Variants in PCYT2 observed in about 807,000 individuals in gnomAD.
The protein encoded by PCYT2 is phosphate cytidylyltransferase 2, ethanolamine, also known as ethanolamine-phosphate cytidylyltransferase.
Under a neutral mutation model 50.0 loss-of-function variants are expected in PCYT2, and 33 were observed. That is an observed-to-expected ratio of 0.66 (90% CI 0.50 to 0.88). PCYT2 has a LOEUF of 0.88. PCYT2 is among the 40% of genes least tolerant of loss of function. The pLI, the probability that PCYT2 is intolerant of heterozygous loss-of-function variation, is 0.00. For synonymous variants in PCYT2, 240 were observed against 203.7 expected, an observed-to-expected ratio of 1.18 and a Z score of -1.52; for missense variants, 430 against 519.7, an observed-to-expected ratio of 0.83 and a Z score of 1.68.
Position 81,911,316 on chromosome 17 carries a change from G to A in PCYT2, c.40C>T (p.Gln14Ter). 8.8e-7 allele frequency: 1 copy of A among 1,131,856 alleles called. No individual in the cohort carries two copies. The highest frequency in any genetic ancestry group is 1.1e-6 in the Non-Finnish European group (1 of 910,910). 70.1% of individuals were successfully genotyped at this position (1,131,856 alleles called of 1,614,324 possible). A position where few individuals can be genotyped will look rare whatever the true frequency, so the allele number is the denominator to read the frequency against. The change falls in exon 1 of 13, where the codon CAG becomes TAG. Residue 14 changes from glutamine to a stop codon, truncating the protein, a stop_gained. Coordinates refer to ENST00000538936, the MANE Select transcript of PCYT2 (RefSeq NM_002861.5). LOFTEE classifies it high-confidence loss of function. ...NGRGAAGGAEQPGPGGRRAVR... is the reference protein window; with the variant it reads ...NGRGAAGGAE The stretch of plus-strand genomic sequence containing the variant: ...GCGCGCCTGCCCCCCGGGCCCGGCT[G>A]CTCTGCGCCGCCTGCAGCCCCGCGC...
rs1378246615 is a variant in PCYT2, at chr17:81,901,475, C to A, written c.*3358G>T. On this transcript the variant is annotated 3_prime_UTR_variant, in exon 13 of 13. Coordinates refer to ENST00000538936, the MANE Select transcript of PCYT2 (RefSeq NM_002861.5). ...CCATCACACCTGGGAAGCATGGAACCCAGAAACAAGTGCCAGGGCTCCAGT... is the reference window on the plus strand; with the variant it reads ...CCATCACACCTGGGAAGCATGGAACACAGAAACAAGTGCCAGGGCTCCAGT... 1 of 152,310 alleles carries A rather than the reference C, an allele frequency of 6.6e-6. No individual in the cohort carries two copies. Among genetic ancestry groups the A allele is most frequent in the Non-Finnish European group, 1.5e-5 (1 of 68,114 alleles). 9.4% of individuals were successfully genotyped at this position (152,310 alleles called of 1,614,324 possible). A position where few individuals can be genotyped will look rare whatever the true frequency, so the allele number is the denominator to read the frequency against.
Position 81,909,502 on chromosome 17 carries a change from A to T in PCYT2, c.178+12T>A. On this transcript the variant is annotated intron_variant, in intron 2 of 12. Coordinates refer to ENST00000538936, the MANE Select transcript of PCYT2 (RefSeq NM_002861.5). The stretch of plus-strand genomic sequence containing the variant: ...TGGGGGGCCGCGGGTGGGCGAGGCC[A>T]TCTGTGCTTACCATCGGTGTGCACG... 3 of 1,609,338 alleles carry T rather than the reference A, an allele frequency of 1.9e-6. No homozygotes were observed. The highest frequency in any genetic ancestry group is 1.3e-5 in the African/African-American group (1 of 74,992).
At position 81,902,896 on chromosome 17, in the gene PCYT2, C is replaced by A. The variant is rs1241171899; in HGVS notation, c.*1937G>T. ...ATGGCAAACGAATAAATAAATGAGG[C>A]GGCCTCGGAGTGAGGGGTGCTGGAG... On this transcript the variant is annotated 3_prime_UTR_variant, in exon 13 of 13. Transcript: ENST00000538936. 2.9e-6 allele frequency: 2 copies of A among 698,010 alleles called. No individual in the cohort carries two copies. The highest frequency in any genetic ancestry group is 1.9e-5 in the African/African-American group (1 of 52,854). 43.2% of individuals were successfully genotyped at this position (698,010 alleles called of 1,614,324 possible).
chr17:81,908,560 A>C lies in PCYT2; in HGVS notation c.407+8T>G, dbSNP rs768782256. On this transcript the variant is annotated splice_region_variant and intron_variant, in intron 4 of 12. Coordinates refer to ENST00000538936, the MANE Select transcript of PCYT2 (RefSeq NM_002861.5). ...CCCTGGATGGCCAGGCCCGCGGTGG[A>C]GACTCACCTGTACCTCCCAGCCTGC... is the stretch of plus-strand genomic sequence containing the variant. 11 of 1,610,042 alleles carry C rather than the reference A, an allele frequency of 6.8e-6. No homozygotes were observed. The highest frequency in any genetic ancestry group is 3.3e-5 in the Admixed American group (2 of 59,978).
In PCYT2 at chr17:81,906,094, A is replaced by G. The variant is rs759926702; in HGVS notation, c.837+6T>C. The G allele has an allele frequency of 2.2e-5, 35 of 1,607,218 alleles. No individual in the cohort carries two copies. The South Asian group carries it at 3.9e-4, about 18-fold the overall frequency. The stretch of plus-strand genomic sequence containing the variant: ...ATCCTTGGGCTGGCTCCTGGCCCCC[A>G]CTCACCCGGCAGGCCAGCACGCTCA... On this transcript the variant is annotated splice_donor_region_variant and intron_variant, in intron 9 of 12. Transcript: ENST00000538936.
rs891299412 is a variant in PCYT2, at chr17:81,903,940, G to A, written c.*893C>T. 7 of 152,234 alleles carry A rather than the reference G, an allele frequency of 4.6e-5. No individual in the cohort carries two copies. The highest frequency in any genetic ancestry group is 2.0e-4 in the Admixed American group (3 of 15,288). The allele number at this position is 152,234 out of a possible 1,614,324, so 9.4% of individuals were successfully genotyped here. ...CGGAGGCTGCAGTAAGAACCTCTTC[G>A]GCCTCTGGGCTGCTCCAGGCGGGCC... On this transcript the variant is annotated 3_prime_UTR_variant, in exon 13 of 13. Transcript: ENST00000538936.
chr17:81,907,137 G>C, intron 6 of PCYT2: 4 of 1,329,464 alleles, frequency 3.0e-6, no homozygotes, highest in Non-Finnish European at 3.0e-6. Context: ...AGGAGGCAAG[G>C]AGCCCTGTGG....
In PCYT2 at chr17:81,904,713, T is replaced by C; in HGVS notation, c.*120A>G. The C allele has an allele frequency of 1.5e-6, 1 of 654,978 alleles. No individual in the cohort carries two copies. The highest frequency in any genetic ancestry group is 1.8e-5 in the African/African-American group (1 of 55,122). The allele number at this position is 654,978 out of a possible 1,614,324, so 40.6% of individuals were successfully genotyped here. ...CTTGTAGGCAGGCAAGGAGGCAGAG[T>C]CCTCACCAGCCCTTCCAGAGCCAGG... is the stretch of plus-strand genomic sequence containing the variant. On this transcript the variant is annotated 3_prime_UTR_variant, in exon 13 of 13. Transcript: ENST00000538936.
At position 81,905,889 on chromosome 17, in the gene PCYT2, A is replaced by G; in HGVS notation, c.838-154T>C. ...GGCTGGGGACCCCTGGGGCTCCTCC[A>G]TGAGACAAGAAGGAACAGCATCTGG... is the stretch of plus-strand genomic sequence containing the variant. On this transcript the variant is annotated intron_variant, in intron 9 of 12. Transcript: ENST00000538936. 3.6e-6 allele frequency: 3 copies of G among 824,016 alleles called. No individual in the cohort carries two copies. The East Asian group carries it at 7.6e-5, about 21-fold the overall frequency. 51.0% of individuals were successfully genotyped at this position (824,016 alleles called of 1,614,324 possible). A position where few individuals can be genotyped will look rare whatever the true frequency, so the allele number is the denominator to read the frequency against.
chr17:81,909,504 C>T lies in PCYT2; in HGVS notation c.178+10G>A, dbSNP rs1253060480. The T allele has an allele frequency of 1.9e-6, 3 of 1,610,090 alleles. No homozygotes were observed. Among genetic ancestry groups the T allele is most frequent in the Non-Finnish European group, 2.5e-6 (3 of 1,176,888 alleles). On this transcript the variant is annotated intron_variant, in intron 2 of 12. Transcript: ENST00000538936. ...GGGGGCCGCGGGTGGGCGAGGCCAT[C>T]TGTGCTTACCATCGGTGTGCACGCC... is the stretch of plus-strand genomic sequence containing the variant.
rs1451601105 is a variant in PCYT2 at position 81,901,053 on chromosome 17, A to T, written c.*3780T>A. On this transcript the variant is annotated 3_prime_UTR_variant, in exon 13 of 13. Coordinates refer to ENST00000538936, the MANE Select transcript of PCYT2 (RefSeq NM_002861.5). ...GCCATGTGCAAGGTGAGGAGCAAGG[A>T]AGCCAGTCTGAGTCCCAAAACAAAA... 6.6e-6 allele frequency: 1 copy of T among 152,244 alleles called. No individual in the cohort carries two copies. Among genetic ancestry groups the T allele is most frequent in the Non-Finnish European group, 1.5e-5 (1 of 68,038 alleles). 9.4% of individuals were successfully genotyped at this position (152,244 alleles called of 1,614,324 possible).
In PCYT2 at chr17:81,902,244, G is replaced by C. The variant is rs1433638500; in HGVS notation, c.*2589C>G. ...CCCAGGCGGTGGCTGCTCCGAGCCCGGACGCCGCCGCCCACCAGTCAGCCG... is the reference window on the plus strand; with the variant it reads ...CCCAGGCGGTGGCTGCTCCGAGCCCCGACGCCGCCGCCCACCAGTCAGCCG... On this transcript the variant is annotated 3_prime_UTR_variant, in exon 13 of 13. Coordinates refer to ENST00000538936, the MANE Select transcript of PCYT2 (RefSeq NM_002861.5). 8.1e-7 allele frequency: 1 copy of C among 1,228,026 alleles called. No individual in the cohort carries two copies. Among genetic ancestry groups the C allele is most frequent in the Non-Finnish European group, 1.0e-6 (1 of 985,764 alleles). 76.1% of individuals were successfully genotyped at this position (1,228,026 alleles called of 1,614,324 possible).
At position 81,906,248 on chromosome 17, in the gene PCYT2, C is replaced by T. The variant is rs542624660; in HGVS notation, c.760-71G>A. ...GACAGGGTGTGCCCCTCCCGGCTGT[C>T]CCTCATGGGAAGAAGTCGGGGAGGT... On this transcript the variant is annotated intron_variant, in intron 8 of 12. Transcript: ENST00000538936. 61 of 1,389,918 alleles carry T rather than the reference C, an allele frequency of 4.4e-5. No homozygotes were observed. The African/African-American group carries it at 8.4e-4, about 19-fold the overall frequency. 86.1% of individuals were successfully genotyped at this position (1,389,918 alleles called of 1,614,324 possible). A position where few individuals can be genotyped will look rare whatever the true frequency, so the allele number is the denominator to read the frequency against.
chr17:81,910,810 A>T, intron 1 of PCYT2: 1 of 829,920 alleles, frequency 1.2e-6, no homozygotes, highest in Non-Finnish European at 1.5e-6. Flanking sequence ...GCCAGGGAAG[A>T]CCGATCGCAT....
Position 81,906,149 on chromosome 17 carries a change from T to A in PCYT2, c.788A>T (p.Tyr263Phe), listed in dbSNP as rs1330783148. The part of the protein sequence containing the change: ...QEVNHYKGKN[Y>F]PIMNLHERTL... ...CCGTTCATGCAGATTCATGATGGGG[T>A]AGTTCTTCCCCTTGTAGTGATTGAC... Residue 263 changes from tyrosine to phenylalanine, a missense_variant, in exon 9 of 13, where the codon TAC becomes TTC. Transcript: ENST00000538936. 3.1e-6 allele frequency: 5 copies of A among 1,612,840 alleles called. No individual in the cohort carries two copies.
rs1038181441 is a variant in PCYT2 at position 81,904,610 on chromosome 17, C to T, written c.*223G>A. 7.4e-5 allele frequency: 39 copies of T among 527,420 alleles called. No homozygotes were observed. The highest frequency in any genetic ancestry group is 5.5e-4 in the African/African-American group (29 of 52,668). 32.7% of individuals were successfully genotyped at this position (527,420 alleles called of 1,614,324 possible). ...AGGTGCCGTCTGCCCGTCTCACTTC[C>T]GGCCTCTCCACTGTGCTGGACACCC... On this transcript the variant is annotated 3_prime_UTR_variant, in exon 13 of 13. Coordinates refer to ENST00000538936, the MANE Select transcript of PCYT2 (RefSeq NM_002861.5).
At chr17:81,909,372 G>A (rs2040453004) in intron 2 of PCYT2, 142 bp downstream of exon 2, 1 of 1,445,982 alleles carries the variant, frequency 6.9e-7, no homozygotes, top group African/African-American at 1.4e-5. Context: ...CCTCAGCTGG[G>A]GCTGGGCTGG....
chr17:81,909,945 A>G (rs867164515), intron 1 of PCYT2, among the ~76,000 whole-genome samples: 1 of 152,174 alleles, frequency 6.6e-6, no homozygotes, highest in African/African-American at 2.4e-5. Flanking sequence ...CCAAATATCA[A>G]CTGCCCTGGG....
At chr17:81,906,339 C>A in intron 8 of PCYT2, 125 bp downstream of exon 8, 1 of 1,148,016 alleles carries the variant, frequency 8.7e-7, no homozygotes, top group Non-Finnish European at 1.3e-6. Context: ...CGATCACCCC[C>A]CAGGGTCTCC....
Sources: gnomAD v4.1 joint callset for allele counts (sites outside exome capture counted in the v4.1 genomes callset) on GRCh38, gnomAD v4.1.1 for gene constraint, MANE v1.5 for transcripts, NCBI Gene and HGNC (gene_info 2026-07-23, HGNC 2026-07-21) for gene names.